Variants in PTGER3 observed in about 807,000 individuals in gnomAD.
The protein encoded by PTGER3 is prostaglandin E receptor 3, also known as prostaglandin E2 receptor EP3 subtype.
Under a neutral mutation model 34.7 loss-of-function variants are expected in PTGER3, and 22 were observed. The observed-to-expected ratio is 0.63, with a 90% CI of 0.45 to 0.91. The LOEUF (loss-of-function observed/expected upper bound fraction) is 0.91, where lower values mean the gene tolerates loss of function less well. PTGER3 is among the 40% of genes least tolerant of loss of function. The probability of loss-of-function intolerance (pLI) is 0.00; values close to 1 mark genes in which losing one functional copy is unlikely to be tolerated. For synonymous variants in PTGER3, 241 were observed against 230.1 expected (o/e 1.05, Z -0.43); for missense variants, 468 against 519.4 (o/e 0.90, Z 0.96).
chr1:70,890,303 A>G (rs779211790), intron 4 of PTGER3, among the ~76,000 whole-genome samples: 1 of 152,228 alleles, frequency 6.6e-6, no homozygotes. Flanking sequence ...AAGTATTCTT[A>G]TCATTTTACC....
chr1:70,950,266 T>C (rs1352881795), downstream of PTGER3, among the ~76,000 whole-genome samples: 1 of 152,198 alleles, frequency 6.6e-6, no homozygotes, highest in Admixed American at 6.5e-5. Context: ...CTTGCACATC[T>C]AGAACAATCA....
intron 2 of PTGER3, among the ~76,000 whole-genome samples, chr1:70,998,894 G>A (rs188839195): frequency 4.6e-4 from 70 of 152,190 alleles, no homozygotes; most frequent in Admixed American, 1.5e-3. Context: ...TTAAAATCTG[G>A]CGTGTGGCTG....
chr1:70,986,331 A>T (rs958312528), intron 2 of PTGER3, among the ~76,000 whole-genome samples: 1 of 151,976 alleles, frequency 6.6e-6, no homozygotes, highest in African/African-American at 2.4e-5. Flanking sequence ...TACTCTGTAG[A>T]CTCACCCTGA....
chr1:70,861,913 G>T (rs1230732993), intron 4 of PTGER3, among the ~76,000 whole-genome samples: 1 of 151,600 alleles, frequency 6.6e-6, no homozygotes, highest in African/African-American at 2.4e-5. Context: ...TTACTGTTTG[G>T]TCCCTTCCCT....
intron 4 of PTGER3, among the ~76,000 whole-genome samples, chr1:70,854,586 T>C (rs1186786474): frequency 6.6e-6 from 1 of 152,110 alleles, no homozygotes; most frequent in African/African-American, 2.4e-5. Flanking sequence ...TTTAAAGTTG[T>C]GTGGCACACT....
chr1:70,915,880 C>G (rs1218001787), intron 4 of PTGER3, among the ~76,000 whole-genome samples: 1 of 151,782 alleles, frequency 6.6e-6, no homozygotes, highest in East Asian at 1.9e-4. Context: ...AAAACAAAAA[C>G]TGACAAGTGA....
At chr1:70,965,084 A>G (rs932286383) in intron 2 of PTGER3, among the ~76,000 whole-genome samples, 2 of 152,200 alleles carry the variant, frequency 1.3e-5, no homozygotes, top group Admixed American at 1.3e-4. Flanking sequence ...GGAGTATCCA[A>G]TGTAGATAGA....
At chr1:70,911,783 T>C (rs1390407899) in intron 4 of PTGER3, among the ~76,000 whole-genome samples, 1 of 152,186 alleles carries the variant, frequency 6.6e-6, no homozygotes, top group East Asian at 1.9e-4. Context: ...ATAAAAATTT[T>C]ATTTGTTTGT....
At chr1:71,043,098 A>C (rs1284533673) in intron 1 of PTGER3, among the ~76,000 whole-genome samples, 1 of 152,246 alleles carries the variant, frequency 6.6e-6, no homozygotes, top group Non-Finnish European at 1.5e-5. Context: ...TCCTAAGGTT[A>C]TTCCCATTTC....
intron 2 of PTGER3, among the ~76,000 whole-genome samples, chr1:70,956,343 T>C (rs1478813692): frequency 6.6e-6 from 1 of 151,360 alleles, no homozygotes; most frequent in African/African-American, 2.4e-5. Flanking sequence ...GAAGTGTTGA[T>C]ACAAAAAGAA....
exon 4 of PTGER3, chr1:70,952,492 A>T: frequency 9.1e-6 from 9 of 986,288 alleles, no homozygotes; most frequent in Non-Finnish European, 1.1e-5. Flanking sequence ...CCATTCACAA[A>T]CCCATAACCT....
At chr1:70,855,886 T>C (rs1027256055) in intron 4 of PTGER3, among the ~76,000 whole-genome samples, 1 of 152,102 alleles carries the variant, frequency 6.6e-6, no homozygotes, top group African/African-American at 2.4e-5. Flanking sequence ...ATAATCCAAA[T>C]AGAGTTGTAC....
chr1:70,957,857 T>C (rs552064265), intron 2 of PTGER3, among the ~76,000 whole-genome samples: 1 of 152,306 alleles, frequency 6.6e-6, no homozygotes, highest in African/African-American at 2.4e-5. Context: ...CCTTCCAGCC[T>C]TTGGTAGCCA....
chr1:70,944,816 A>G (rs1387683817), intron 4 of PTGER3, among the ~76,000 whole-genome samples: 2 of 152,092 alleles, frequency 1.3e-5, no homozygotes, highest in African/African-American at 4.8e-5. Flanking sequence ...TGTGCTCTAT[A>G]ATCAGTGGAT....
At chr1:70,960,304 G>T (rs1436793092) in intron 2 of PTGER3, among the ~76,000 whole-genome samples, 1 of 152,108 alleles carries the variant, frequency 6.6e-6, no homozygotes, top group Non-Finnish European at 1.5e-5. Flanking sequence ...CCAGAAAATT[G>T]TCTCATTAGC....
chr1:70,920,615 A>G (rs530557163), intron 4 of PTGER3, among the ~76,000 whole-genome samples: 1 of 152,266 alleles, frequency 6.6e-6, no homozygotes, highest in Non-Finnish European at 1.5e-5. Flanking sequence ...GTAATATGGG[A>G]ACTTTAGATA....
intron 4 of PTGER3, among the ~76,000 whole-genome samples, chr1:70,898,624 A>G (rs945605582): frequency 6.6e-6 from 1 of 152,200 alleles, no homozygotes; most frequent in African/African-American, 2.4e-5. Flanking sequence ...GCTGATAATC[A>G]TCACTGGGCC....
chr1:70,892,190 A>G (rs1311323623), intron 4 of PTGER3, among the ~76,000 whole-genome samples: 1 of 152,136 alleles, frequency 6.6e-6, no homozygotes, highest in African/African-American at 2.4e-5. Context: ...TGCATTTCAA[A>G]CCCAATTCTA....
Position 70,922,689 on chromosome 1 carries a change from C to A in PTGER3, c.*23+31074G>T, listed in dbSNP as rs566780711. Among the ~76,000 whole-genome samples the A allele has an allele frequency of 8.6e-5, 13 of 151,666 alleles. No individual in the cohort carries two copies. In the South Asian group the frequency reaches 2.5e-3, roughly 29 times the overall value. The stretch of plus-strand genomic sequence containing the variant: ...TGTATCTGAGACTACTAAAAAAAAA[C>A]CAGTTCTATACACAAGGGATGTAAA... On this transcript the variant is annotated intron_variant, in intron 4 of 4. Transcript: ENST00000370931.
Sources: gnomAD v4.1 joint callset for allele counts (sites outside exome capture counted in the v4.1 genomes callset) on GRCh38, gnomAD v4.1.1 for gene constraint, MANE v1.5 for transcripts, NCBI Gene and HGNC (gene_info 2026-07-23, HGNC 2026-07-21) for gene names.